The following ZNF425 variants were observed in gnomAD, a reference collection of about 807,000 sequenced individuals.
The protein encoded by ZNF425 is zinc finger protein 425.
A neutral mutation model predicts 17.0 loss-of-function variants in ZNF425; 21 were observed. The ratio of observed to expected loss-of-function variants is 1.23; its 90% CI spans 0.88 to 1.78. The LOEUF (loss-of-function observed/expected upper bound fraction) is 1.78, where lower values mean the gene tolerates loss of function less well. Among genes scored for constraint, ZNF425 ranks in the 40% most tolerant of loss-of-function variants. ZNF425 has a pLI of 0.00. For missense variants in ZNF425, 868 were observed against 967.3 expected, an observed-to-expected ratio of 0.90 and a Z score of 1.36; for synonymous variants, 433 against 384.1, an observed-to-expected ratio of 1.13 and a Z score of -1.49.
In ZNF425 at chr7:149,112,665, ATTATT is replaced by A. The variant is rs558906741; in HGVS notation, c.146-375_146-371del. On this transcript the variant is annotated intron_variant, in intron 2 of 3. Transcript: ENST00000378061. ...ATTATTTTTAAAAATTATTATCATT[ATTATT>A]TTATTTTATTTTTGAGACAGGGTCT... Among the ~76,000 whole-genome samples, 138 of 152,110 alleles carry A rather than the reference ATTATT, an allele frequency of 9.1e-4. 1 individual carries two copies. In the South Asian group the frequency reaches 0.025, roughly 28 times the overall value.
In ZNF425 at chr7:149,112,133, T is replaced by A. The variant is rs761788881; in HGVS notation, c.304+4A>T. 1.9e-6 allele frequency: 3 copies of A among 1,610,984 alleles called. No homozygotes were observed. The Admixed American group carries it at 5.1e-5, about 27-fold the overall frequency. On this transcript the variant is annotated splice_donor_region_variant and intron_variant, in intron 3 of 3. Coordinates refer to ENST00000378061, the MANE Select transcript of ZNF425 (RefSeq NM_001001661.3). ...ATTCATGATCTTAAATCCATCTTAC[T>A]CACCAAAACATAGCAACTTTCCAGT...
At position 149,103,837 on chromosome 7, in the gene ZNF425, C is replaced by G. The variant is rs777834182; in HGVS notation, c.2034G>C (p.Arg678Ser). 8.1e-6 allele frequency: 13 copies of G among 1,613,334 alleles called. No homozygotes were observed. The Admixed American group carries it at 2.0e-4, about 25-fold the overall frequency. Residue 678 changes from arginine (R) to serine (S), a missense_variant, in exon 4 of 4, where the codon AGG becomes AGC. Physicochemically the swap from Arg to Ser is moderately radical, Grantham distance 110 (BLOSUM62 -1). Around this residue, in one of 5 missense-constraint regions of ZNF425, gnomAD observed 437 missense variants for 444.2 expected, o/e 0.98. Coordinates refer to ENST00000378061, the MANE Select transcript of ZNF425 (RefSeq NM_001001661.3). ...TATACAAGTGGACCTTCAAGCTGCCCCTGATGCAGTAGCTCTTGTCACACT... is the reference window on the plus strand; with the variant it reads ...TATACAAGTGGACCTTCAAGCTGCCGCTGATGCAGTAGCTCTTGTCACACT... ...CPECDKSYCI[R>S]GSLKVHLYKH...
chr7:149,107,755 C>T (rs1826105198), intron 3 of ZNF425, among the ~76,000 whole-genome samples: 1 of 152,040 alleles, frequency 6.6e-6, no homozygotes. Flanking sequence ...AGGACCATTG[C>T]AGATATTCAC....
rs542455714 is a variant in ZNF425 at position 149,110,324 on chromosome 7, G to C, written c.304+1813C>G. 9.7e-3 allele frequency among the ~76,000 whole-genome samples: 1,476 copies of C among 151,730 alleles called. 28 individuals carry two copies. The highest frequency in any genetic ancestry group is 0.033 in the African/African-American group (1,387 of 41,412). ...CTCACGCCTGTAATCCCAGCACTTT[G>C]GGAAGCCGAGGTGGGTGGATCACCT... is the stretch of plus-strand genomic sequence containing the variant. On this transcript the variant is annotated intron_variant, in intron 3 of 3. Coordinates refer to ENST00000378061, the MANE Select transcript of ZNF425 (RefSeq NM_001001661.3).
intron 1 of ZNF425, among the ~76,000 whole-genome samples, chr7:149,120,751 C>A (rs1826337214): frequency 6.6e-6 from 1 of 152,180 alleles, no homozygotes; most frequent in Admixed American, 6.5e-5. Context: ...AATTGCCTAA[C>A]AATGTGTTTC....
rs538020084 is a variant in ZNF425, at chr7:149,113,861, A to T, written c.146-1566T>A. 1.8e-3 allele frequency among the ~76,000 whole-genome samples: 270 copies of T among 151,400 alleles called. 11 individuals carry two copies. The South Asian group carries it at 0.054, about 30-fold the overall frequency. ...CCACCGCACCTGGCCCAAAAATTTT[A>T]AAAATTAGCCAGGTGCGGTGGTGTA... On this transcript the variant is annotated intron_variant, in intron 2 of 3. Transcript: ENST00000378061.
At chr7:149,119,035 T>A (rs931998785) in intron 1 of ZNF425, among the ~76,000 whole-genome samples, 1 of 152,010 alleles carries the variant, frequency 6.6e-6, no homozygotes, top group African/African-American at 2.4e-5. Context: ...TCCATGTAAG[T>A]GTGCCTATAG....
At position 149,118,897 on chromosome 7, in the gene ZNF425, T is replaced by G. The variant is rs543475581; in HGVS notation, c.19-549A>C. ...GACCATCTAAAAAGGGATGCTTTAC[T>G]TAGCAGCAACCAGTTACTGCTGTGG... On this transcript the variant is annotated intron_variant, in intron 1 of 3. Coordinates refer to ENST00000378061, the MANE Select transcript of ZNF425 (RefSeq NM_001001661.3). Among the ~76,000 whole-genome samples the G allele has an allele frequency of 4.6e-5, 7 of 152,300 alleles. No individual in the cohort carries two copies. In the South Asian group the frequency reaches 1.0e-3, roughly 23 times the overall value.
At chr7:149,107,711 C>T (rs10238828) in intron 3 of ZNF425, among the ~76,000 whole-genome samples, 20,990 of 151,724 alleles carry the variant, frequency 0.14, 1,615 homozygotes, top group African/African-American at 0.22. Context: ...AATAGAGGAA[C>T]CTGAGTTATC....
rs756934112 is a variant in ZNF425 at position 149,104,947 on chromosome 7, G to C, written c.924C>G (p.Gly308=). ...GCTCGCACTGCTGCACGAAGGCCCG[G>C]CCGCACTCCCCGCAGCAGAACGGCC... ...GERPFCCGEC[G]RAFVQQCELT... Residue 308 remains glycine, a synonymous_variant, in exon 4 of 4, where the codon GGC becomes GGG. Coordinates refer to ENST00000378061, the MANE Select transcript of ZNF425 (RefSeq NM_001001661.3). The surrounding 1 kb of genome is among the most constrained non-coding windows in gnomAD (Gnocchi z 4.3). 5 of 1,613,982 alleles carry C rather than the reference G, an allele frequency of 3.1e-6. No homozygotes were observed. In the East Asian group the frequency reaches 1.1e-4, roughly 36 times the overall value.
intron 2 of ZNF425, among the ~76,000 whole-genome samples, chr7:149,115,085 C>T (rs949532949): frequency 5.3e-5 from 8 of 149,638 alleles, no homozygotes; most frequent in African/African-American, 2.0e-4. Context: ...CAGACGTGTG[C>T]CACCACGCTG....
chr7:149,104,523 C>G lies in ZNF425; in HGVS notation c.1348G>C (p.Gly450Arg), dbSNP rs550254743. Reference sequence around the variant, plus strand: ...CGCATGGCGTTCCTCCAGAAGAAGCCCCTGCTGCACTCCGGGCACTGGAAG... The same window carrying G: ...CGCATGGCGTTCCTCCAGAAGAAGCGCCTGCTGCACTCCGGGCACTGGAAG... Reference protein sequence around the residue: ...RPFQCPECSRGFFWRNAMRAH... With the variant: ...RPFQCPECSRRFFWRNAMRAH... The change falls in exon 4 of 4, where the codon GGC becomes CGC. Residue 450 changes from glycine (G) to arginine (R), a missense_variant. Coordinates refer to ENST00000378061, the MANE Select transcript of ZNF425 (RefSeq NM_001001661.3). The surrounding 1 kb of genome is among the most constrained non-coding windows in gnomAD (Gnocchi z 4.3). 1.2e-6 allele frequency: 2 copies of G among 1,604,264 alleles called. No individual in the cohort carries two copies. Among genetic ancestry groups the G allele is most frequent in the African/African-American group, 1.3e-5 (1 of 74,534 alleles).
chr7:149,107,345 A>ATTTATTT (rs1554456144), intron 3 of ZNF425, among the ~76,000 whole-genome samples: 6 of 126,120 alleles, frequency 4.8e-5, no homozygotes, highest in Non-Finnish European at 9.6e-5. Context: ...TTATTTATTT[A>ATTTATTT]TTTTTTTTCT....
At chr7:149,105,957 CTTTT>C (rs35777509) in intron 3 of ZNF425, among the ~76,000 whole-genome samples, 3 of 119,384 alleles carry the variant, frequency 2.5e-5, no homozygotes, top group African/African-American at 3.4e-5. Context: ...AATTTTTTTC[CTTTT>C]TTTTTTTTTT....
In ZNF425 at chr7:149,103,748, C is replaced by G; in HGVS notation, c.2123G>C (p.Ser708Thr). 1 of 1,614,224 alleles carries G rather than the reference C, an allele frequency of 6.2e-7. No individual in the cohort carries two copies. The highest frequency in any genetic ancestry group is 1.3e-5 in the African/African-American group (1 of 75,074). The change falls in exon 4 of 4, where the codon AGC becomes ACC. Residue 708 changes from serine (S) to threonine (T), a missense_variant. Ser to Thr is a moderately conservative substitution (Grantham distance 58). This residue lies in a region of ZNF425 where 437 missense variants were observed against 444.2 expected (regional missense o/e 0.98). Transcript: ENST00000378061. ...GTGAAGGCACAGATGGGCCTTCAGG[C>G]TTCTCTTCTGGAGGAAGCCTTTGCC... Reference protein sequence around the residue: ...ECGKGFLQKRSLKAHLCLHSG... With the variant: ...ECGKGFLQKRTLKAHLCLHSG...
At position 149,105,330 on chromosome 7, in the gene ZNF425, A is replaced by C. The variant is rs1323195234; in HGVS notation, c.541T>G (p.Leu181Val). 6.2e-7 allele frequency: 1 copy of C among 1,614,006 alleles called. No homozygotes were observed. Among genetic ancestry groups the C allele is most frequent in the East Asian group, 2.2e-5 (1 of 44,892 alleles). The change falls in exon 4 of 4, where the codon TTA (leucine) becomes GTA (valine). Residue 181 changes from leucine (L) to valine (V), a missense_variant. Leu to Val is a conservative substitution (Grantham distance 32). Around this residue, in one of 5 missense-constraint regions of ZNF425, gnomAD observed 179 missense variants for 216.3 expected, o/e 0.83. Coordinates refer to ENST00000378061, the MANE Select transcript of ZNF425 (RefSeq NM_001001661.3). ...CATCTTGGCCCTGTGGGAATTTCTAAGCGCCCTGGGGTCTCCCGAGGCTTA... is the reference window on the plus strand; with the variant it reads ...CATCTTGGCCCTGTGGGAATTTCTACGCGCCCTGGGGTCTCCCGAGGCTTA... The part of the protein sequence containing the change: ...RHKPRETPGR[L>V]EIPTGPRCYS...
intron 1 of ZNF425, among the ~76,000 whole-genome samples, chr7:149,123,711 T>C (rs1175548723): frequency 6.6e-6 from 1 of 151,926 alleles, no homozygotes; most frequent in African/African-American, 2.4e-5. Context: ...TTTCTATTTT[T>C]AGTAGAGACC....
chr7:149,111,590 TAAAAAAAAAAAAAA>T (rs60783786), intron 3 of ZNF425, among the ~76,000 whole-genome samples: 5 of 54,384 alleles, frequency 9.2e-5, no homozygotes, highest in African/African-American at 1.3e-4. Context: ...AGACTCTGTC[TAAAAAAAAAAAAAA>T]AAAAAAAAAA....
chr7:149,105,878 C>T (rs1826075577), intron 3 of ZNF425, among the ~76,000 whole-genome samples: 1 of 151,534 alleles, frequency 6.6e-6, no homozygotes, highest in Non-Finnish European at 1.5e-5. Context: ...CCTCGTGATC[C>T]ACTGCCTCGG....
Sources: gnomAD v4.1 joint callset for allele counts (sites outside exome capture counted in the v4.1 genomes callset) on GRCh38, gnomAD v4.1.1 for gene constraint, gnomAD v4.1.1 regional missense constraint, Gnocchi (gnomAD v3.1) non-coding constraint, MANE v1.5 for transcripts, NCBI Gene and HGNC (gene_info 2026-07-23, HGNC 2026-07-21) for gene names.